MICAL2: variants seen among roughly 807,000 people sequenced by gnomAD.
MICAL2 encodes the protein microtubule associated monooxygenase, calponin and LIM domain containing 2, also known as [F-actin]-monooxygenase MICAL2.
In MICAL2, 77 loss-of-function variants were observed where a neutral mutation model predicts 127.3. The observed-to-expected ratio is 0.60, with a 90% CI of 0.50 to 0.73. MICAL2 has a LOEUF of 0.73. Ranked by LOEUF, MICAL2 falls within the 30% of genes least tolerant of loss-of-function variation. The probability of loss-of-function intolerance (pLI) is 0.00; values close to 1 mark genes in which losing one functional copy is unlikely to be tolerated. For missense variants in MICAL2, 1,351 were observed against 1,434.4 expected (o/e 0.94, Z 0.94); for synonymous variants, 570 against 551.1 (o/e 1.03, Z -0.48).
chr11:12,324,956 T>C (rs560706860), intron 31 of MICAL2, among the ~76,000 whole-genome samples: 2 of 152,344 alleles, frequency 1.3e-5, no homozygotes, highest in East Asian at 3.9e-4. Context: ...TCTTATGATA[T>C]TGATTGGCAA....
chr11:12,304,434 C>T (rs569387912), intron 29 of MICAL2, among the ~76,000 whole-genome samples: 3 of 152,146 alleles, frequency 2.0e-5, no homozygotes, highest in African/African-American at 7.2e-5. Context: ...AGTTTGAGAC[C>T]AGCCTGACCA....
chr11:12,118,635 A>G (rs1416236276), intron 1 of MICAL2, among the ~76,000 whole-genome samples: 1 of 152,204 alleles, frequency 6.6e-6, no homozygotes, highest in African/African-American at 2.4e-5. Flanking sequence ...AATAAACCTC[A>G]GGGGCATGTT....
intron 17 of MICAL2, among the ~76,000 whole-genome samples, chr11:12,239,953 C>G (rs189209345): frequency 7.2e-5 from 11 of 152,364 alleles, no homozygotes; most frequent in African/African-American, 2.2e-4. Context: ...AATCCATTCC[C>G]TAATTTGGTT....
chr11:12,205,526 A>G (rs1308850457), intron 4 of MICAL2, among the ~76,000 whole-genome samples: 1 of 152,190 alleles, frequency 6.6e-6, no homozygotes, highest in East Asian at 1.9e-4. Flanking sequence ...GCATATACTC[A>G]GGGATGATTG....
intron 6 of MICAL2, among the ~76,000 whole-genome samples, chr11:12,210,700 G>C (rs1036912992): frequency 1.3e-5 from 2 of 152,212 alleles, no homozygotes; most frequent in Non-Finnish European, 2.9e-5. Context: ...CCCATTTTCA[G>C]CTTGAGTATA....
intron 22 of MICAL2, chr11:12,255,220 C>T (rs1453104929): frequency 1.2e-5 from 2 of 172,130 alleles, no homozygotes; most frequent in East Asian, 1.5e-4. Context: ...ACCCGGCCAG[C>T]CTTAACCATT....
intron 24 of MICAL2, among the ~76,000 whole-genome samples, chr11:12,257,805 A>G (rs142389402): frequency 2.0e-3 from 300 of 152,260 alleles, no homozygotes; most frequent in African/African-American, 7.0e-3. Flanking sequence ...TACTATTGCT[A>G]TTGTTACCAG....
At chr11:12,358,154 C>G in intron 34 of MICAL2, 1 of 783,202 alleles carries the variant, frequency 1.3e-6, no homozygotes, top group Non-Finnish European at 2.0e-6. Flanking sequence ...AGGGCGGTTC[C>G]TTGGTGTTAA....
intron 34 of MICAL2, chr11:12,358,282 T>C (rs748984394): frequency 1.1e-5 from 18 of 1,611,170 alleles, no homozygotes; most frequent in Admixed American, 8.4e-5. Flanking sequence ...GTGGTTTTCT[T>C]TTTTTTCTTT....
intron 22 of MICAL2, chr11:12,250,223 A>T (rs1294919816): frequency 6.6e-6 from 1 of 152,230 alleles, no homozygotes; most frequent in Non-Finnish European, 1.5e-5. Context: ...GTCCCAGAAC[A>T]TGGAAATGCA....
chr11:12,221,517 G>C (rs1856816605), intron 9 of MICAL2, 127 bp from the exon 10 acceptor site: 4 of 609,486 alleles, frequency 6.6e-6, no homozygotes, highest in Non-Finnish European at 1.2e-5. Context: ...CAGGGTCCCT[G>C]CCCTGTCACC....
At chr11:12,340,487 G>A (rs968959255) in intron 32 of MICAL2, among the ~76,000 whole-genome samples, 1 of 152,204 alleles carries the variant, frequency 6.6e-6, no homozygotes, top group Non-Finnish European at 1.5e-5. Flanking sequence ...TTTAGGCTGT[G>A]AAGTTGAATA....
intron 29 of MICAL2, among the ~76,000 whole-genome samples, chr11:12,316,724 ATGT>A (rs1397954553): frequency 1.3e-5 from 2 of 152,122 alleles, no homozygotes; most frequent in African/African-American, 4.8e-5. Context: ...CAGACTCTGA[ATGT>A]TACATTGTAG....
intron 3 of MICAL2, among the ~76,000 whole-genome samples, chr11:12,168,992 A>G (rs1407400146): frequency 2.0e-5 from 3 of 151,760 alleles, no homozygotes; most frequent in African/African-American, 7.3e-5. Flanking sequence ...AGAGAAAAAA[A>G]AAGACAAGAC....
At chr11:12,290,323 G>A (rs111783586), downstream of MICAL2, among the ~76,000 whole-genome samples, 13 of 152,298 alleles carry the variant, frequency 8.5e-5, 1 homozygote, top group East Asian at 1.9e-4. Flanking sequence ...TCATGACCTC[G>A]TGAGACCTGA....
intron 6 of MICAL2, among the ~76,000 whole-genome samples, chr11:12,210,650 C>T (rs1274370166): frequency 6.6e-6 from 1 of 152,170 alleles, no homozygotes. Flanking sequence ...GAATTTTACA[C>T]TTGGTAAAAG....
chr11:12,234,312 A>AAC (rs1858723955), intron 15 of MICAL2, among the ~76,000 whole-genome samples: 8 of 152,106 alleles, frequency 5.3e-5, no homozygotes, highest in Admixed American at 3.9e-4. Context: ...CAAAAAAAAA[A>AAC]AACAACAGAA....
intron 32 of MICAL2, among the ~76,000 whole-genome samples, chr11:12,329,439 T>C (rs1469130459): frequency 6.6e-6 from 1 of 152,122 alleles, no homozygotes; most frequent in African/African-American, 2.4e-5. Flanking sequence ...AGGGCGTGCT[T>C]CAGTTTGCCG....
chr11:12,187,547 G>A (rs11022241), intron 3 of MICAL2, among the ~76,000 whole-genome samples: 50,085 of 152,020 alleles, frequency 0.33, 9,458 homozygotes, highest in Non-Finnish European at 0.44. Flanking sequence ...TTGTTACTGA[G>A]TGGTCCCAGG....
Sources: allele counts gnomAD v4.1 joint callset (sites outside exome capture counted in the v4.1 genomes callset), GRCh38; gene constraint gnomAD v4.1.1; transcripts MANE v1.5; gene names NCBI Gene and HGNC (gene_info 2026-07-23, HGNC 2026-07-21).